Variants in CCDC39 observed in about 807,000 individuals in gnomAD.
CCDC39 encodes coiled-coil domain 39 molecular ruler complex subunit.
CCDC39 carries 113 observed loss-of-function variants against 121.0 expected under a neutral mutation model. That is an observed-to-expected ratio of 0.93 (90% CI 0.80 to 1.09). The LOEUF is 1.09. Among genes scored for constraint, CCDC39 ranks in the 50% least tolerant of loss-of-function variants. The probability of loss-of-function intolerance (pLI) is 0.00; values close to 1 mark genes in which losing one functional copy is unlikely to be tolerated. For synonymous variants in CCDC39, 349 were observed against 352.2 expected (o/e 0.99, Z 0.10); for missense variants, 1,063 against 1,074.7 (o/e 0.99, Z 0.15).
chr3:180,660,578 TA>T lies in CCDC39; in HGVS notation c.507del (p.Asn169LysfsTer6). The T allele has an allele frequency of 6.3e-7, 1 of 1,578,504 alleles. No individual in the cohort carries two copies. The highest frequency in any genetic ancestry group is 8.6e-7 in the Non-Finnish European group (1 of 1,158,654). On this transcript the variant is annotated frameshift_variant, in exon 4 of 20. Coordinates refer to ENST00000476379, the MANE Select transcript of CCDC39 (RefSeq NM_181426.2). LOFTEE classifies it high-confidence loss of function. ...TLQKYAQQDD[N>X]KIRALTLQLE... ...AATTTGTAATTTCTCACCCTGATTT[TA>T]TTATCATCTTGTTGTGCATACTTCT...
At chr3:180,671,276 T>C (rs1016015593) in intron 1 of CCDC39, among the ~76,000 whole-genome samples, 6 of 151,686 alleles carry the variant, frequency 4.0e-5, no homozygotes, top group Non-Finnish European at 8.8e-5. Context: ...ACCTGGAAGT[T>C]ACCACCCTTG....
At chr3:180,627,240 T>A (rs566324597) in intron 14 of CCDC39, among the ~76,000 whole-genome samples, 7 of 152,160 alleles carry the variant, frequency 4.6e-5, no homozygotes, top group Non-Finnish European at 1.0e-4. Flanking sequence ...GTTACACATA[T>A]TTTGTGATAA....
intron 7 of CCDC39, 95 bp from the exon 8 acceptor site, chr3:180,652,361 A>T: frequency 1.5e-6 from 1 of 665,156 alleles, no homozygotes; most frequent in South Asian, 2.6e-5. Flanking sequence ...TTAAGTTCTA[A>T]CCTACATCAC....
In CCDC39 at chr3:180,619,950, T is replaced by C. The variant is rs1717388626; in HGVS notation, c.2019A>G (p.Glu673=). 1.9e-6 allele frequency: 3 copies of C among 1,606,256 alleles called. No homozygotes were observed. The highest frequency in any genetic ancestry group is 2.6e-6 in the Non-Finnish European group (3 of 1,176,146). ...CCAAACAGTCACCTTCCCTTTGAAG[T>C]TCTTCTTTTTCTTGAGCAGCCTATG... ...YVIKAAQEKE[E]LQREGDCLDA... The change falls in exon 15 of 20, where the codon GAA becomes GAG. Residue 673 remains glutamate (E), a synonymous_variant. Coordinates refer to ENST00000476379, the MANE Select transcript of CCDC39 (RefSeq NM_181426.2).
intron 2 of CCDC39, among the ~76,000 whole-genome samples, chr3:180,662,718 T>C (rs1576950715): frequency 6.6e-6 from 1 of 152,220 alleles, no homozygotes; most frequent in Non-Finnish European, 1.5e-5. Context: ...TCCAAATAGT[T>C]TATCAATTAC....
At chr3:180,635,498 G>A (rs1200725133) in intron 13 of CCDC39, among the ~76,000 whole-genome samples, 5 of 152,194 alleles carry the variant, frequency 3.3e-5, no homozygotes, top group Admixed American at 3.3e-4. Flanking sequence ...AAGATACAAT[G>A]GGGGTACAGG....
chr3:180,651,268 A>T, intron 9 of CCDC39, 133 bp downstream of exon 9: 2 of 675,578 alleles, frequency 3.0e-6, no homozygotes, highest in Admixed American at 3.2e-5. Flanking sequence ...GTCCAAAACC[A>T]GATTATAAAT....
intron 9 of CCDC39, among the ~76,000 whole-genome samples, chr3:180,650,726 A>G (rs1007992112): frequency 4.6e-5 from 7 of 151,822 alleles, no homozygotes; most frequent in Admixed American, 1.3e-4. Context: ...GTGTGGTGGC[A>G]CGCGCCTGTA....
At chr3:180,675,132 C>A (rs1712158958) in intron 1 of CCDC39, among the ~76,000 whole-genome samples, 1 of 152,066 alleles carries the variant, frequency 6.6e-6, no homozygotes, top group African/African-American at 2.4e-5. Context: ...GGTTGGTAAG[C>A]TATTAATTAT....
At chr3:180,651,282 A>G (rs1050543282) in intron 9 of CCDC39, 119 bp downstream of exon 9, 21 of 761,354 alleles carry the variant, frequency 2.8e-5, no homozygotes, top group African/African-American at 2.5e-4. Flanking sequence ...TATAAATGTG[A>G]TCATACCAAA....
At chr3:180,634,183 G>C (rs1323264385) in intron 13 of CCDC39, among the ~76,000 whole-genome samples, 2 of 115,204 alleles carry the variant, frequency 1.7e-5, no homozygotes, top group African/African-American at 3.3e-5. Context: ...AACACTACCA[G>C]TAACAGCAGC....
chr3:180,643,593 G>T (rs1456616855), intron 12 of CCDC39, among the ~76,000 whole-genome samples: 2 of 152,122 alleles, frequency 1.3e-5, no homozygotes, highest in African/African-American at 4.8e-5. Flanking sequence ...CTACTGATAG[G>T]AGTATTAATG....
At chr3:180,621,496 G>C (rs555722437) in intron 14 of CCDC39, among the ~76,000 whole-genome samples, 21 of 152,134 alleles carry the variant, frequency 1.4e-4, no homozygotes, top group Non-Finnish European at 8.8e-5. Context: ...GATTAATGAT[G>C]ATGAGCATTT....
At chr3:180,633,458 A>G (rs745906170) in intron 13 of CCDC39, among the ~76,000 whole-genome samples, 23 of 152,202 alleles carry the variant, frequency 1.5e-4, no homozygotes, top group Non-Finnish European at 7.3e-5. Context: ...AGGACTAATG[A>G]AAGAATAACA....
At chr3:180,677,431 T>G (rs990611603) in intron 1 of CCDC39, among the ~76,000 whole-genome samples, 2 of 151,304 alleles carry the variant, frequency 1.3e-5, no homozygotes, top group Admixed American at 6.6e-5. Flanking sequence ...TTGATAATAT[T>G]AAAAATGATA....
At chr3:180,642,982 C>T (rs1475529402) in intron 12 of CCDC39, among the ~76,000 whole-genome samples, 1 of 145,372 alleles carries the variant, frequency 6.9e-6, no homozygotes, top group Non-Finnish European at 1.5e-5. Context: ...TTTTTTGAGA[C>T]GGAGTCTTAC....
chr3:180,677,411 C>A (rs927331754), intron 1 of CCDC39, among the ~76,000 whole-genome samples: 1 of 150,302 alleles, frequency 6.7e-6, no homozygotes, highest in Non-Finnish European at 1.5e-5. Context: ...GAATCAAATG[C>A]AAATAAAACT....
intron 14 of CCDC39, among the ~76,000 whole-genome samples, chr3:180,623,571 T>G (rs1717484583): frequency 6.6e-6 from 1 of 151,966 alleles, no homozygotes. Flanking sequence ...TCTTTCTACA[T>G]TTTTGATATA....
Position 180,679,327 on chromosome 3 carries a change from C to G in CCDC39, c.54G>C (p.Pro18=). ...ELHWEDGFAI[P]VANEENKLLE... ...GTAGCTTGTTCTCCTCGTTCGCCAC[C>G]GGGATGGCGAACCCATCCTCCCAGT... The change falls in exon 1 of 20, where the codon CCG becomes CCC. Residue 18 remains proline, a synonymous_variant. Coordinates refer to ENST00000476379, the MANE Select transcript of CCDC39 (RefSeq NM_181426.2). This position sits in a 1 kb window ranked among gnomAD's most constrained non-coding sequence, Gnocchi z 4.0. 6.2e-7 allele frequency: 1 copy of G among 1,613,878 alleles called. No individual in the cohort carries two copies. The highest frequency in any genetic ancestry group is 8.5e-7 in the Non-Finnish European group (1 of 1,179,818).
Sources: gnomAD v4.1 joint callset for allele counts (sites outside exome capture counted in the v4.1 genomes callset) on GRCh38, gnomAD v4.1.1 for gene constraint, Gnocchi (gnomAD v3.1) non-coding constraint, MANE v1.5 for transcripts, NCBI Gene and HGNC (gene_info 2026-07-23, HGNC 2026-07-21) for gene names.